LPIN1: variants seen among roughly 807,000 people sequenced by gnomAD.
LPIN1 encodes the protein lipin 1, also known as phosphatidate phosphatase LPIN1.
Under a neutral mutation model 107.5 loss-of-function variants are expected in LPIN1, and 71 were observed. The observed-to-expected ratio is 0.66, with a 90% CI of 0.55 to 0.80. The LOEUF (loss-of-function observed/expected upper bound fraction) is 0.80, where lower values mean the gene tolerates loss of function less well. Among genes scored for constraint, LPIN1 ranks in the 30% least tolerant of loss-of-function variants. The pLI is 0.00. For synonymous variants in LPIN1, 445 were observed against 452.6 expected (o/e 0.98, Z 0.21); for missense variants, 1,043 against 1,160.6 (o/e 0.90, Z 1.47).
intron 1 of LPIN1, among the ~76,000 whole-genome samples, chr2:11,753,459 A>T (rs1442912851): frequency 2.6e-5 from 4 of 152,346 alleles, no homozygotes; most frequent in Admixed American, 6.5e-5. Flanking sequence ...TCTGTTTAAG[A>T]AGCTCCTCAA....
At chr2:11,718,422 G>A (rs568513283) in intron 2 of LPIN1, among the ~76,000 whole-genome samples, 1 of 152,182 alleles carries the variant, frequency 6.6e-6, no homozygotes, top group Admixed American at 6.5e-5. Flanking sequence ...GTAGAGACAG[G>A]GTTTCACCAT....
At position 11,803,060 on chromosome 2, in the gene LPIN1, G is replaced by A. The variant is rs758506301; in HGVS notation, c.2013+27G>A. On this transcript the variant is annotated intron_variant, in intron 15 of 20. Transcript: ENST00000674199. The surrounding 1 kb of genome is among the most constrained non-coding windows in gnomAD (Gnocchi z 4.2). ...TGAGTCTCCCATGCTTGGCGCGGCT[G>A]TGTTGTGAGCACATGAGGTTTCTGC... The A allele has an allele frequency of 1.2e-6, 2 of 1,611,602 alleles. No homozygotes were observed. The highest frequency in any genetic ancestry group is 1.7e-6 in the Non-Finnish European group (2 of 1,179,998).
chr2:11,777,612 C>T (rs937876847), intron 6 of LPIN1: 1 of 152,184 alleles, frequency 6.6e-6, no homozygotes, highest in Admixed American at 6.5e-5. Flanking sequence ...TACATACTGG[C>T]TGTGGCTGCT....
At position 11,791,887 on chromosome 2, in the gene LPIN1, A is replaced by G. The variant is rs536335987; in HGVS notation, c.1714-27A>G. On this transcript the variant is annotated intron_variant, in intron 12 of 20. Coordinates refer to ENST00000674199, the MANE Select transcript of LPIN1 (RefSeq NM_001349206.2). ...TAAGTTGATCTTTTTTTGTTCCATTATTTATGTTACCATCCATTTAAAACA... is the reference window on the plus strand; with the variant it reads ...TAAGTTGATCTTTTTTTGTTCCATTGTTTATGTTACCATCCATTTAAAACA... 6 of 1,611,038 alleles carry G rather than the reference A, an allele frequency of 3.7e-6. No individual in the cohort carries two copies. In the African/African-American group the frequency reaches 4.0e-5, roughly 11 times the overall value.
chr2:11,824,225 T>C lies in LPIN1; in HGVS notation c.2622-407T>C, dbSNP rs1293923123. On this transcript the variant is annotated intron_variant, in intron 20 of 20. Transcript: ENST00000674199. ...ACCCCAGGACCCAGCTCCTTTTCAC[T>C]ATGCAATGAAGCAATCTCTGTCAGG... is the stretch of plus-strand genomic sequence containing the variant. Among the ~76,000 whole-genome samples, 6 of 152,042 alleles carry C rather than the reference T, an allele frequency of 3.9e-5. No homozygotes were observed. In the East Asian group the frequency reaches 1.2e-3, roughly 30 times the overall value.
Position 11,814,967 on chromosome 2 carries a change from T to C in LPIN1, c.2250-121T>C. 4.5e-6 allele frequency: 4 copies of C among 898,064 alleles called. No homozygotes were observed. In the Admixed American group the frequency reaches 8.3e-5, roughly 19 times the overall value. 55.6% of individuals were successfully genotyped at this position (898,064 alleles called of 1,614,324 possible). ...CAAGATTTTGTAGAATGTGGACTTT[T>C]GTATGTGGGGGAACTTGAAACAGTG... On this transcript the variant is annotated intron_variant, in intron 17 of 20. Transcript: ENST00000674199.
chr2:11,761,571 C>T (rs991062806), intron 1 of LPIN1, among the ~76,000 whole-genome samples: 16 of 152,148 alleles, frequency 1.1e-4, no homozygotes, highest in African/African-American at 2.9e-4. Flanking sequence ...GGGCTTCTTG[C>T]ATTCTTTGTA....
At chr2:11,704,776 C>T (rs1297484307) in intron 1 of LPIN1, among the ~76,000 whole-genome samples, 1 of 152,204 alleles carries the variant, frequency 6.6e-6, no homozygotes, top group African/African-American at 2.4e-5. Flanking sequence ...GGATCCCCTG[C>T]AGGGCTCTGC....
chr2:11,730,449 C>T (rs775329830), intron 1 of LPIN1, among the ~76,000 whole-genome samples: 1 of 152,176 alleles, frequency 6.6e-6, no homozygotes, highest in Non-Finnish European at 1.5e-5. Context: ...ACGTATTAAG[C>T]ATAATTTTCT....
At chr2:11,823,961 C>T (rs1222751740) in intron 20 of LPIN1, among the ~76,000 whole-genome samples, 1 of 152,244 alleles carries the variant, frequency 6.6e-6, no homozygotes, top group East Asian at 1.9e-4. Context: ...TCATGCCAAC[C>T]AGGGCTTTTT....
Position 11,815,187 on chromosome 2 carries a change from G to A in LPIN1, c.2349G>A (p.Leu783=). ...LHWVNERGTV[L]PQGPLLLSPS... is the part of the protein sequence containing the mutation. ...GGGTCAACGAGAGGGGCACGGTGCTGCCCCAGGGGCCCCTGCTGCTGAGTC... is the reference window on the plus strand; with the variant it reads ...GGGTCAACGAGAGGGGCACGGTGCTACCCCAGGGGCCCCTGCTGCTGAGTC... The change falls in exon 18 of 21, where the codon CTG becomes CTA. Residue 783 remains leucine (L), a synonymous_variant. Transcript: ENST00000674199. The A allele has an allele frequency of 6.2e-7, 1 of 1,614,218 alleles. No individual in the cohort carries two copies. The highest frequency in any genetic ancestry group is 2.2e-5 in the East Asian group (1 of 44,884).
chr2:11,767,686 AGACTT>A (rs948718664), intron 2 of LPIN1, 72 bp from the exon 3 acceptor site: 2 of 875,710 alleles, frequency 2.3e-6, no homozygotes, highest in African/African-American at 3.3e-5. Flanking sequence ...GTATCTGTGG[AGACTT>A]GGCCGTCCCC....
intron 1 of LPIN1, chr2:11,741,041 G>A (rs1388584037): frequency 4.6e-6 from 1 of 215,876 alleles, no homozygotes; most frequent in African/African-American, 2.3e-5. Context: ...TTCACAATTT[G>A]GGCACGAAAG....
At chr2:11,725,661 G>A (rs1664565786) in intron 1 of LPIN1, among the ~76,000 whole-genome samples, 1 of 152,142 alleles carries the variant, frequency 6.6e-6, no homozygotes, top group Non-Finnish European at 1.5e-5. Flanking sequence ...AATTCCATTG[G>A]GATTTTAAAG....
intron 1 of LPIN1, among the ~76,000 whole-genome samples, chr2:11,678,897 C>T (rs1026783090): frequency 6.6e-6 from 1 of 152,222 alleles, no homozygotes; most frequent in Non-Finnish European, 1.5e-5. Context: ...GACCTTCTCT[C>T]GGGAGCCCCG....
At chr2:11,709,058 C>T (rs907433523) in intron 1 of LPIN1, among the ~76,000 whole-genome samples, 5 of 152,152 alleles carry the variant, frequency 3.3e-5, no homozygotes, top group African/African-American at 1.2e-4. Context: ...GATCATTCTA[C>T]ACAGTTTGAC....
intron 6 of LPIN1, among the ~76,000 whole-genome samples, chr2:11,778,873 G>C (rs1018064319): frequency 6.6e-6 from 1 of 152,162 alleles, no homozygotes; most frequent in Admixed American, 6.5e-5. Context: ...ACATGGAGGT[G>C]GTTACTGAGC....
At chr2:11,681,019 C>G (rs1041840734) in intron 1 of LPIN1, among the ~76,000 whole-genome samples, 3 of 152,180 alleles carry the variant, frequency 2.0e-5, no homozygotes, top group Non-Finnish European at 4.4e-5. Context: ...ATTATTAATA[C>G]CAGCACTACA....
intron 1 of LPIN1, among the ~76,000 whole-genome samples, chr2:11,725,044 A>G (rs10929770): frequency 0.45 from 68,085 of 151,996 alleles, 15,651 homozygotes; most frequent in African/African-American, 0.53. Flanking sequence ...GGCGGATCAC[A>G]AGGTCAGGAG....
Sources: gnomAD v4.1 joint callset for allele counts (sites outside exome capture counted in the v4.1 genomes callset) on GRCh38, gnomAD v4.1.1 for gene constraint, Gnocchi (gnomAD v3.1) non-coding constraint, MANE v1.5 for transcripts, NCBI Gene and HGNC (gene_info 2026-07-23, HGNC 2026-07-21) for gene names.